Variants in CHD6 observed in about 807,000 individuals in gnomAD.
CHD6 encodes the protein chromodomain helicase DNA binding protein 6, also known as ATP-dependent chromatin remodeler CHD6.
Under a neutral mutation model 276.9 loss-of-function variants are expected in CHD6, and 50 were observed. The ratio of observed to expected loss-of-function variants is 0.18; its 90% CI spans 0.14 to 0.23. CHD6 has a LOEUF of 0.23. CHD6 is among the 10% of genes least tolerant of loss of function. CHD6 has a pLI of 1.00. For missense variants in CHD6, 2,564 were observed against 3,365.8 expected, an observed-to-expected ratio of 0.76 and a Z score of 5.89; for synonymous variants, 1,173 against 1,229.3, an observed-to-expected ratio of 0.95 and a Z score of 0.96.
At chr20:41,439,784 G>A (rs2047843069) in intron 26 of CHD6, among the ~76,000 whole-genome samples, 1 of 152,164 alleles carries the variant, frequency 6.6e-6, no homozygotes, top group Admixed American at 6.5e-5. Context: ...AACAGGAACC[G>A]GTATTTGGTT....
At position 41,415,524 on chromosome 20, in the gene CHD6, G is replaced by T; in HGVS notation, c.6601C>A (p.His2201Asn). 1 of 1,614,146 alleles carries T rather than the reference G, an allele frequency of 6.2e-7. No homozygotes were observed. The highest frequency in any genetic ancestry group is 8.5e-7 in the Non-Finnish European group (1 of 1,180,016). ...ARGLEQFSAT[H>N]GHTPIILNGW... ...TTGAGGATGATAGGGGTGTGCCCGTGGGTGGCAGAGAACTGCTCCAGGCCC... is the reference window on the plus strand; with the variant it reads ...TTGAGGATGATAGGGGTGTGCCCGTTGGTGGCAGAGAACTGCTCCAGGCCC... The change falls in exon 34 of 37, where the codon CAC (histidine) becomes AAC (asparagine). Residue 2201 changes from histidine to asparagine, a missense_variant. By Grantham distance (68) the His-to-Asn change is moderately conservative (BLOSUM62 1). Transcript: ENST00000373233.
intron 2 of CHD6, among the ~76,000 whole-genome samples, chr20:41,540,621 C>G (rs921082616): frequency 6.6e-6 from 1 of 152,158 alleles, no homozygotes; most frequent in Non-Finnish European, 1.5e-5. Context: ...TGCACCTGGG[C>G]TGGAAAGGCC....
Position 41,404,952 on chromosome 20 carries a change from A to G in CHD6, c.7789T>C (p.Ser2597Pro). The G allele has an allele frequency of 6.2e-7, 1 of 1,614,204 alleles. No individual in the cohort carries two copies. Residue 2597 changes from serine to proline, a missense_variant, in exon 37 of 37, where the codon TCT becomes CCT. Ser to Pro is a moderately conservative substitution (Grantham distance 74). Transcript: ENST00000373233. ...CTACTAGTAGTTATTGCAGGTTCAG[A>G]CTGATCAGAAAATGGACCTGGACCA... is the stretch of plus-strand genomic sequence containing the variant. ...KPGPGPFSDQSEPAITTSSPV... is the reference protein window; with the variant it reads ...KPGPGPFSDQPEPAITTSSPV...
intron 1 of CHD6, among the ~76,000 whole-genome samples, chr20:41,587,996 G>A (rs2045614484): frequency 6.6e-6 from 1 of 152,096 alleles, no homozygotes. Context: ...CATGGAAAAA[G>A]TAAGAGGGAG....
At chr20:41,446,656 G>A (rs1184559131) in intron 24 of CHD6, among the ~76,000 whole-genome samples, 1 of 152,158 alleles carries the variant, frequency 6.6e-6, no homozygotes, top group African/African-American at 2.4e-5. Context: ...CTCCCTCTGT[G>A]GGGATAGTGT....
At position 41,473,184 on chromosome 20, in the gene CHD6, G is replaced by A. The variant is rs1257851553; in HGVS notation, c.2664+138C>T. 8 of 700,894 alleles carry A rather than the reference G, an allele frequency of 1.1e-5. No homozygotes were observed. The East Asian group carries it at 2.2e-4, about 19-fold the overall frequency. 43.4% of individuals were successfully genotyped at this position (700,894 alleles called of 1,614,324 possible). ...TACTTTTCATTCAGTTTCACCCCCT[G>A]ACCAAGGCCCTAAGCCTGTCATCCA... On this transcript the variant is annotated intron_variant, in intron 17 of 36. Transcript: ENST00000373233. The surrounding 1 kb of genome is among the most constrained non-coding windows in gnomAD (Gnocchi z 4.1).
intron 31 of CHD6, among the ~76,000 whole-genome samples, chr20:41,418,371 G>A (rs764863683): frequency 6.6e-6 from 1 of 152,158 alleles, no homozygotes; most frequent in Non-Finnish European, 1.5e-5. Flanking sequence ...CTCGGAGGAG[G>A]GAGCTCCCAT....
intron 1 of CHD6, among the ~76,000 whole-genome samples, chr20:41,591,377 TATACAC>T (rs1438163491): frequency 1.1e-3 from 134 of 122,944 alleles, no homozygotes; most frequent in African/African-American, 3.9e-3. Flanking sequence ...TATATATATA[TATACAC>T]ACACACACAC....
At chr20:41,590,824 T>G (rs1601174112) in intron 1 of CHD6, among the ~76,000 whole-genome samples, 1 of 151,538 alleles carries the variant, frequency 6.6e-6, no homozygotes, top group African/African-American at 2.4e-5. Context: ...GATCTAGAAC[T>G]AGAAATACCA....
intron 16 of CHD6, among the ~76,000 whole-genome samples, chr20:41,479,135 G>C (rs903450667): frequency 2.0e-5 from 3 of 152,050 alleles, no homozygotes; most frequent in Non-Finnish European, 4.4e-5. Flanking sequence ...CTTGAAGACA[G>C]ATAAAAGAGA....
chr20:41,588,830 G>T (rs2045624315), intron 1 of CHD6, among the ~76,000 whole-genome samples: 1 of 152,112 alleles, frequency 6.6e-6, no homozygotes, highest in Non-Finnish European at 1.5e-5. Flanking sequence ...ATAGGATATG[G>T]TCTAAAATTA....
rs193117851 is a variant in CHD6, at chr20:41,450,914, G to A, written c.3683+32C>T. On this transcript the variant is annotated intron_variant, in intron 23 of 36. Coordinates refer to ENST00000373233, the MANE Select transcript of CHD6 (RefSeq NM_032221.5). Reference sequence around the variant, plus strand: ...GAATCGAAGCAGTCTGAGCCGGGCTGCCACCAGGGTATGGGGAGGAGGGAC... The same window carrying A: ...GAATCGAAGCAGTCTGAGCCGGGCTACCACCAGGGTATGGGGAGGAGGGAC... 2,562 of 1,591,030 alleles carry A rather than the reference G, an allele frequency of 1.6e-3. 3 individuals carry two copies. The highest frequency in any genetic ancestry group is 2.0e-3 in the Non-Finnish European group (2,353 of 1,164,366).
At chr20:41,530,319 TC>T (rs1179774899) in intron 3 of CHD6, among the ~76,000 whole-genome samples, 1 of 152,190 alleles carries the variant, frequency 6.6e-6, no homozygotes, top group Non-Finnish European at 1.5e-5. Flanking sequence ...CAGCAGGGCT[TC>T]AGAAAGACTA....
intron 27 of CHD6, among the ~76,000 whole-genome samples, chr20:41,433,029 A>G (rs1280897562): frequency 6.6e-6 from 1 of 152,120 alleles, no homozygotes; most frequent in East Asian, 1.9e-4. Context: ...GGAGGAAAAT[A>G]ATCAGTGACC....
intron 36 of CHD6, among the ~76,000 whole-genome samples, chr20:41,411,405 T>C (rs2145396778): frequency 6.6e-6 from 1 of 151,752 alleles, no homozygotes; most frequent in East Asian, 2.0e-4. Flanking sequence ...TCAGGAAAGC[T>C]TGAGTTTATG....
At chr20:41,520,355 T>C (rs1314074536) in intron 3 of CHD6, among the ~76,000 whole-genome samples, 1 of 152,146 alleles carries the variant, frequency 6.6e-6, no homozygotes, top group African/African-American at 2.4e-5. Context: ...CATGCTGCTA[T>C]AAAGACACAT....
At chr20:41,500,627 T>G (rs1042753126) in intron 5 of CHD6, among the ~76,000 whole-genome samples, 2 of 152,166 alleles carry the variant, frequency 1.3e-5, no homozygotes, top group African/African-American at 4.8e-5. Flanking sequence ...TTTCTCTGTT[T>G]AAGTATTTGC....
chr20:41,575,983 C>T (rs1240684319), intron 1 of CHD6, among the ~76,000 whole-genome samples: 1 of 152,002 alleles, frequency 6.6e-6, no homozygotes, highest in Non-Finnish European at 1.5e-5. Flanking sequence ...TTTGAAGAAA[C>T]AGTAATATCA....
rs369262694 is a variant in CHD6 at position 41,425,817 on chromosome 20, A to C, written c.4129+276T>G. ...AAAAAAAACAAAAAAAACAAAAAAA[A>C]CCCGATGTCATCACAATTCCTTTTT... is the stretch of plus-strand genomic sequence containing the variant. On this transcript the variant is annotated intron_variant, in intron 28 of 36. Transcript: ENST00000373233. Among the ~76,000 whole-genome samples, 553 of 152,062 alleles carry C rather than the reference A, an allele frequency of 3.6e-3. 3 individuals carry two copies. The highest frequency in any genetic ancestry group is 0.024 in the Middle Eastern group (7 of 294).
Sources: allele counts gnomAD v4.1 joint callset (sites outside exome capture counted in the v4.1 genomes callset), GRCh38; gene constraint gnomAD v4.1.1; non-coding constraint Gnocchi (gnomAD v3.1); transcripts MANE v1.5; gene names NCBI Gene and HGNC (gene_info 2026-07-23, HGNC 2026-07-21).